PPM1H: variants seen among roughly 807,000 people sequenced by gnomAD.
PPM1H encodes the protein protein phosphatase, Mg2+/Mn2+ dependent 1H.
In PPM1H, 27 loss-of-function variants were observed where a neutral mutation model predicts 54.9. That is an observed-to-expected ratio of 0.49 (90% CI 0.36 to 0.68). The LOEUF (loss-of-function observed/expected upper bound fraction) is 0.68, where lower values mean the gene tolerates loss of function less well. Ranked by LOEUF, PPM1H falls within the 30% of genes least tolerant of loss-of-function variation. The pLI is 0.00. For synonymous variants in PPM1H, 305 were observed against 270.8 expected, an observed-to-expected ratio of 1.13 and a Z score of -1.24; for missense variants, 596 against 667.8, an observed-to-expected ratio of 0.89 and a Z score of 1.19.
At chr12:62,682,201 G>C (rs150245071) in intron 8 of PPM1H, among the ~76,000 whole-genome samples, 100 of 152,122 alleles carry the variant, frequency 6.6e-4, no homozygotes, top group Admixed American at 3.0e-3. Flanking sequence ...AAAACTTCAA[G>C]ACTTTCGGCC....
At chr12:62,795,237 T>C (rs1192106783) in intron 3 of PPM1H, among the ~76,000 whole-genome samples, 1 of 152,130 alleles carries the variant, frequency 6.6e-6, no homozygotes, top group Admixed American at 6.5e-5. Flanking sequence ...CGTCTGTATT[T>C]TGTGACTAGT....
At chr12:62,731,361 C>T (rs906049796) in intron 5 of PPM1H, among the ~76,000 whole-genome samples, 4 of 152,168 alleles carry the variant, frequency 2.6e-5, no homozygotes, top group African/African-American at 7.2e-5. Context: ...TGGCTTTAGC[C>T]ACCTGCTCTC....
In PPM1H at chr12:62,647,645, G is replaced by C. The variant is rs2075793560; in HGVS notation, c.*844C>G. 6.6e-6 allele frequency: 1 copy of C among 152,212 alleles called. No homozygotes were observed. The highest frequency in any genetic ancestry group is 1.5e-5 in the Non-Finnish European group (1 of 68,078). 9.4% of individuals were successfully genotyped at this position (152,212 alleles called of 1,614,324 possible). ...ACTGAAGACAACAGAGGAACTACTG[G>C]TCCACAGAAACACTCAGTTTCATGA... On this transcript the variant is annotated 3_prime_UTR_variant, in exon 10 of 10. Coordinates refer to ENST00000228705, the MANE Select transcript of PPM1H (RefSeq NM_020700.2).
At chr12:62,708,082 G>A (rs1297644809) in intron 6 of PPM1H, among the ~76,000 whole-genome samples, 1 of 152,236 alleles carries the variant, frequency 6.6e-6, no homozygotes, top group African/African-American at 2.4e-5. Context: ...CAACAAAGGA[G>A]AGAGGCAACT....
chr12:62,795,096 AC>A (rs1267616772), intron 3 of PPM1H, among the ~76,000 whole-genome samples: 1 of 152,148 alleles, frequency 6.6e-6, no homozygotes, highest in Admixed American at 6.5e-5. Flanking sequence ...GGTCACCTTC[AC>A]CACAAGCCCC....
intron 4 of PPM1H, among the ~76,000 whole-genome samples, chr12:62,758,403 G>A (rs1293576007): frequency 1.3e-5 from 2 of 152,070 alleles, no homozygotes; most frequent in Non-Finnish European, 2.9e-5. Flanking sequence ...GCCTGTGTGG[G>A]GTTTCCATAT....
intron 1 of PPM1H, among the ~76,000 whole-genome samples, chr12:62,907,403 G>A (rs138670499): frequency 2.0e-5 from 3 of 152,318 alleles, no homozygotes; most frequent in African/African-American, 7.2e-5. Context: ...CATCAGTGCA[G>A]TTTGAGTGTT....
chr12:62,695,862 C>T lies in PPM1H; in HGVS notation c.1074-1863G>A, dbSNP rs552231731. On this transcript the variant is annotated intron_variant, in intron 6 of 9. Transcript: ENST00000228705. ...GGCCTGAGAAAGGCCCTGAGATGAG[C>T]GTGAACAGGGATTGAAGACCCCATG... is the stretch of plus-strand genomic sequence containing the variant. Among the ~76,000 whole-genome samples the T allele has an allele frequency of 2.2e-4, 34 of 152,108 alleles. No homozygotes were observed. In the South Asian group the frequency reaches 6.5e-3, roughly 29 times the overall value.
chr12:62,667,419 C>T, intron 8 of PPM1H, 90 bp from the exon 9 acceptor site: 1 of 1,192,920 alleles, frequency 8.4e-7, no homozygotes. Context: ...TTCCCTTTTC[C>T]TGCCCAGCCT....
At chr12:62,867,082 T>C (rs866995816) in intron 1 of PPM1H, among the ~76,000 whole-genome samples, 2 of 152,116 alleles carry the variant, frequency 1.3e-5, no homozygotes, top group Non-Finnish European at 2.9e-5. Flanking sequence ...AAAAGCTGAG[T>C]TGATCCTCGA....
chr12:62,813,627 C>T (rs937746759), intron 2 of PPM1H, among the ~76,000 whole-genome samples: 1 of 152,110 alleles, frequency 6.6e-6, no homozygotes, highest in Non-Finnish European at 1.5e-5. Context: ...AAAACATGAG[C>T]AAATAAGAAC....
Position 62,644,519 on chromosome 12 carries a change from A to G in PPM1H, c.*3970T>C, listed in dbSNP as rs1209421006. Reference sequence around the variant, plus strand: ...AACAAAACTTCACCTAAGACACAGAAGAAAAATTAAAGCTATTTACACAGA... The same window carrying G: ...AACAAAACTTCACCTAAGACACAGAGGAAAAATTAAAGCTATTTACACAGA... On this transcript the variant is annotated 3_prime_UTR_variant, in exon 10 of 10. Coordinates refer to ENST00000228705, the MANE Select transcript of PPM1H (RefSeq NM_020700.2). 1.3e-5 allele frequency: 2 copies of G among 152,268 alleles called. No homozygotes were observed. Among genetic ancestry groups the G allele is most frequent in the Non-Finnish European group, 2.9e-5 (2 of 68,068 alleles). The allele number at this position is 152,268 out of a possible 1,614,324, so 9.4% of individuals were successfully genotyped here. A position where few individuals can be genotyped will look rare whatever the true frequency, so the allele number is the denominator to read the frequency against.
intron 7 of PPM1H, among the ~76,000 whole-genome samples, chr12:62,690,170 A>T (rs920412244): frequency 3.9e-5 from 6 of 152,080 alleles, no homozygotes; most frequent in Non-Finnish European, 8.8e-5. Flanking sequence ...AATAGGATTG[A>T]TCGATCCATC....
intron 8 of PPM1H, among the ~76,000 whole-genome samples, chr12:62,683,337 T>C (rs569471043): frequency 6.6e-6 from 1 of 152,212 alleles, no homozygotes; most frequent in Non-Finnish European, 1.5e-5. Context: ...TCACTGATGC[T>C]CTCATTTCAC....
chr12:62,855,325 A>G (rs1869343174), intron 1 of PPM1H, among the ~76,000 whole-genome samples: 1 of 152,182 alleles, frequency 6.6e-6, no homozygotes, highest in Admixed American at 6.5e-5. Context: ...ACTGACATAG[A>G]TATCAGACAG....
chr12:62,799,665 C>T (rs568187227), intron 3 of PPM1H, among the ~76,000 whole-genome samples: 113 of 152,302 alleles, frequency 7.4e-4, no homozygotes, highest in Middle Eastern at 3.4e-3. Flanking sequence ...TTTCCAGCCT[C>T]CTGGTATTTT....
chr12:62,825,588 A>T (rs1315389164), intron 2 of PPM1H, among the ~76,000 whole-genome samples: 1 of 152,220 alleles, frequency 6.6e-6, no homozygotes, highest in Non-Finnish European at 1.5e-5. Context: ...TTGCAGGGAC[A>T]TGGATGAAAC....
intron 1 of PPM1H, among the ~76,000 whole-genome samples, chr12:62,889,372 T>C (rs1017770520): frequency 6.6e-5 from 10 of 152,270 alleles, no homozygotes; most frequent in East Asian, 1.9e-4. Flanking sequence ...TCAAGACTTA[T>C]AGCTGGGCAC....
At chr12:62,862,098 C>T (rs1869622794) in intron 1 of PPM1H, among the ~76,000 whole-genome samples, 1 of 152,112 alleles carries the variant, frequency 6.6e-6, no homozygotes, top group Non-Finnish European at 1.5e-5. Flanking sequence ...GAAACTCTGC[C>T]CTAGAGTTTT....
Sources: allele counts gnomAD v4.1 joint callset (sites outside exome capture counted in the v4.1 genomes callset), GRCh38; gene constraint gnomAD v4.1.1; transcripts MANE v1.5; gene names NCBI Gene and HGNC (gene_info 2026-07-23, HGNC 2026-07-21).